The following PLOD1 variants were observed in gnomAD, a reference collection of about 807,000 sequenced individuals.
The protein encoded by PLOD1 is lysine hydroxylase.
In PLOD1, 70 loss-of-function variants were observed where a neutral mutation model predicts 94.7. The ratio of observed to expected loss-of-function variants is 0.74; its 90% CI spans 0.61 to 0.90. The LOEUF (loss-of-function observed/expected upper bound fraction) is 0.90. Among genes scored for constraint, PLOD1 ranks in the 40% least tolerant of loss-of-function variants. The pLI, the probability that PLOD1 is intolerant of heterozygous loss-of-function variation, is 0.00. For missense variants in PLOD1, 905 were observed against 972.7 expected (o/e 0.93, Z 0.93); for synonymous variants, 417 against 400.2 (o/e 1.04, Z -0.50).
chr1:11,948,729 CA>C (rs34167429), intron 2 of PLOD1, among the ~76,000 whole-genome samples: 34,409 of 139,216 alleles, frequency 0.25, 5,365 homozygotes, highest in African/African-American at 0.46. Flanking sequence ...AACTCTGTCT[CA>C]AAAAAAAAAA....
In PLOD1 at chr1:11,972,118, T is replaced by G. The variant is rs1645869289; in HGVS notation, c.1903-754T>G. 1.3e-5 allele frequency: 2 copies of G among 152,568 alleles called. No individual in the cohort carries two copies. Among genetic ancestry groups the G allele is most frequent in the Non-Finnish European group, 2.9e-5 (2 of 68,192 alleles). 9.5% of individuals were successfully genotyped at this position (152,568 alleles called of 1,614,324 possible). ...CCTCAGGGAATCCAGCCTGGATAGT[T>G]GCCAGAAAGGGTTGTGAGGATTGGA... On this transcript the variant is annotated intron_variant, in intron 17 of 18. Coordinates refer to ENST00000196061, the MANE Select transcript of PLOD1 (RefSeq NM_000302.4). This position sits in a 1 kb window ranked among gnomAD's most constrained non-coding sequence, Gnocchi z 4.6.
At chr1:11,970,483 C>A (rs1000534978) in intron 16 of PLOD1, among the ~76,000 whole-genome samples, 187 bp from the exon 17 acceptor site, 9 of 152,126 alleles carry the variant, frequency 5.9e-5, no homozygotes, top group Admixed American at 4.6e-4. Flanking sequence ...CAGGCCCCCC[C>A]AGGATAATCT....
chr1:11,953,676 C>T (rs895001330), intron 5 of PLOD1, among the ~76,000 whole-genome samples: 5 of 151,424 alleles, frequency 3.3e-5, no homozygotes, highest in African/African-American at 9.7e-5. Context: ...CCTGTAATCC[C>T]AGCTACTCAG....
At chr1:11,966,066 C>T (rs537558726) in intron 14 of PLOD1, among the ~76,000 whole-genome samples, 185 bp from the exon 15 acceptor site, 3 of 152,230 alleles carry the variant, frequency 2.0e-5, no homozygotes, top group African/African-American at 4.8e-5. Context: ...CATACATGTG[C>T]AAACACCACC....
rs181434268 is a variant in PLOD1, at chr1:11,962,386, C to T, written c.1098-1146C>T. 3.5e-3 allele frequency among the ~76,000 whole-genome samples: 512 copies of T among 147,316 alleles called. 2 individuals carry two copies. The highest frequency in any genetic ancestry group is 0.012 in the African/African-American group (486 of 39,804). ...CTGCCTCCCACGTTCACGCCATTCT[C>T]CTGTCTTAGCCTCCCGAGTAGCTGT... On this transcript the variant is annotated intron_variant, in intron 10 of 18. Coordinates refer to ENST00000196061, the MANE Select transcript of PLOD1 (RefSeq NM_000302.4).
In PLOD1 at chr1:11,974,967, C is replaced by T; in HGVS notation, c.*159C>T. ...CAATCAAAGAGATTCAAAGAGATTC[C>T]TGCAGGCCAGAGGCGGAACACACCT... is the stretch of plus-strand genomic sequence containing the variant. On this transcript the variant is annotated 3_prime_UTR_variant, in exon 19 of 19. Coordinates refer to ENST00000196061, the MANE Select transcript of PLOD1 (RefSeq NM_000302.4). 1 of 778,286 alleles carries T rather than the reference C, an allele frequency of 1.3e-6. No homozygotes were observed. Among genetic ancestry groups the T allele is most frequent in the East Asian group, 2.6e-5 (1 of 38,864 alleles). The allele number at this position is 778,286 out of a possible 1,614,324, so 48.2% of individuals were successfully genotyped here.
At chr1:11,952,512 T>C in intron 4 of PLOD1, 111 bp from the exon 5 acceptor site, 1 of 791,036 alleles carries the variant, frequency 1.3e-6, no homozygotes, top group South Asian at 1.4e-5. Flanking sequence ...GGTGACAGGG[T>C]TTGTGGGCAT....
chr1:11,945,821 G>A (rs1171721405), intron 1 of PLOD1, among the ~76,000 whole-genome samples: 1 of 152,136 alleles, frequency 6.6e-6, no homozygotes, highest in Non-Finnish European at 1.5e-5. Flanking sequence ...CAATTCTCCT[G>A]TCTCAGCCTC....
chr1:11,970,523 T>C, intron 16 of PLOD1, 147 bp from the exon 17 acceptor site: 1 of 774,838 alleles, frequency 1.3e-6, no homozygotes, highest in Non-Finnish European at 2.2e-6. Flanking sequence ...GTCAACTGAT[T>C]AGGAGCCTTA....
At position 11,954,858 on chromosome 1, in the gene PLOD1, GCTGCCGTAT is replaced by G; in HGVS notation, c.611_619del (p.Cys204_Ile206del). 6.2e-7 allele frequency: 1 copy of G among 1,613,342 alleles called. No homozygotes were observed. The highest frequency in any genetic ancestry group is 8.5e-7 in the Non-Finnish European group (1 of 1,179,710). ...CAGATCAATATCACCCTGGACCACC[GCTGCCGTAT>G]CTTCCAGAACCTGGATGGAGCCTTG... On this transcript the variant is annotated inframe_deletion, in exon 6 of 19. Transcript: ENST00000196061.
chr1:11,949,165 G>T (rs1001005936), intron 2 of PLOD1, among the ~76,000 whole-genome samples: 1 of 152,114 alleles, frequency 6.6e-6, no homozygotes, highest in African/African-American at 2.4e-5. Flanking sequence ...GAAGGAGACA[G>T]GCTTTCCTTT....
chr1:11,965,575 G>A lies in PLOD1; in HGVS notation c.1566G>A (p.Glu522=), dbSNP rs755001757. ...CCCACCTGCACAACGACCTCTGGGA[G>A]GTGTTCAGCAACCCCGAGGTGAGGC... The part of the protein sequence containing the change: ...RTTHLHNDLW[E]VFSNPEDWKE... Residue 522 remains glutamate, a synonymous_variant, in exon 14 of 19, where the codon GAG becomes GAA. Coordinates refer to ENST00000196061, the MANE Select transcript of PLOD1 (RefSeq NM_000302.4). 1.9e-6 allele frequency: 3 copies of A among 1,612,044 alleles called. No individual in the cohort carries two copies. Among genetic ancestry groups the A allele is most frequent in the South Asian group, 2.2e-5 (2 of 91,038 alleles).
At chr1:11,967,616 A>ATATATGTATATATATATATATAT (rs35226154) in intron 16 of PLOD1, among the ~76,000 whole-genome samples, 2 of 75,144 alleles carry the variant, frequency 2.7e-5, no homozygotes, top group Admixed American at 2.5e-4. Context: ...TATATATATA[A>ATATATGTATATATATATATATAT]AAAGAAATAT....
rs752084194 is a variant in PLOD1 at position 11,970,806 on chromosome 1, A to G, written c.1892A>G (p.Tyr631Cys). The G allele has an allele frequency of 6.8e-6, 11 of 1,606,510 alleles. No homozygotes were observed. The highest frequency in any genetic ancestry group is 8.5e-6 in the Non-Finnish European group (10 of 1,178,646). The change falls in exon 17 of 19, where the codon TAC (tyrosine) becomes TGC (cysteine). Residue 631 changes from tyrosine (Y) to cysteine (C), a missense_variant. By Grantham distance (194) the Tyr-to-Cys change is radical. Transcript: ENST00000196061. ...APMTEKLYPG[Y>C]YTRAQFDLAF... ...ATGACGGAGAAGCTCTACCCCGGCT[A>G]CTACACCAGGGTGGGCAAGCCTGGG... is the stretch of plus-strand genomic sequence containing the variant.
In PLOD1 at chr1:11,974,914, G is replaced by T; in HGVS notation, c.*106G>T. 1 of 1,070,460 alleles carries T rather than the reference G, an allele frequency of 9.3e-7. No homozygotes were observed. The highest frequency in any genetic ancestry group is 1.5e-6 in the Non-Finnish European group (1 of 684,936). The allele number at this position is 1,070,460 out of a possible 1,614,324, so 66.3% of individuals were successfully genotyped here. On this transcript the variant is annotated 3_prime_UTR_variant, in exon 19 of 19. Transcript: ENST00000196061. ...GGGAACCCAGTCCAGCCTCCTGGCT[G>T]TTGACTTCCCATTGCTCTTGGAGCC...
intron 1 of PLOD1, among the ~76,000 whole-genome samples, chr1:11,942,183 A>G (rs907845317): frequency 2.0e-5 from 3 of 151,552 alleles, no homozygotes; most frequent in African/African-American, 4.9e-5. Context: ...GGGTTTCACC[A>G]TGTTGGCCAG....
At chr1:11,949,980 C>A in intron 3 of PLOD1, 74 bp downstream of exon 3, 2 of 1,498,296 alleles carry the variant, frequency 1.3e-6, no homozygotes, top group Non-Finnish European at 1.9e-6. Context: ...GAGGCCCTCC[C>A]AGAACATCGG....
At chr1:11,939,639 T>A (rs1025439108) in intron 1 of PLOD1, among the ~76,000 whole-genome samples, 1 of 151,940 alleles carries the variant, frequency 6.6e-6, no homozygotes, top group Non-Finnish European at 1.5e-5. Context: ...TGAGATGGAG[T>A]CTCGCTCACC....
In PLOD1 at chr1:11,972,710, C is replaced by T. The variant is rs557622850; in HGVS notation, c.1903-162C>T. 2.9e-6 allele frequency: 2 copies of T among 694,714 alleles called. No individual in the cohort carries two copies. The highest frequency in any genetic ancestry group is 5.3e-5 in the East Asian group (2 of 37,598). The allele number at this position is 694,714 out of a possible 1,614,324, so 43.0% of individuals were successfully genotyped here. A position where few individuals can be genotyped will look rare whatever the true frequency, so the allele number is the denominator to read the frequency against. ...TTTTTGTTGAGAACCTTTTCTGTGC[C>T]AGGTAGTTGCAGGCACTCGAGCATA... On this transcript the variant is annotated intron_variant, in intron 17 of 18. Transcript: ENST00000196061. This position sits in a 1 kb window ranked among gnomAD's most constrained non-coding sequence, Gnocchi z 4.6.
Sources: gnomAD v4.1 joint callset for allele counts (sites outside exome capture counted in the v4.1 genomes callset) on GRCh38, gnomAD v4.1.1 for gene constraint, Gnocchi (gnomAD v3.1) non-coding constraint, MANE v1.5 for transcripts, NCBI Gene and HGNC (gene_info 2026-07-23, HGNC 2026-07-21) for gene names.